Variants in CPSF4L observed in about 807,000 individuals in gnomAD.
CPSF4L encodes the protein putative cleavage and polyadenylation specificity factor subunit 4-like protein.
In CPSF4L, 18 loss-of-function variants were observed where a neutral mutation model predicts 24.0. The ratio of observed to expected loss-of-function variants is 0.75; its 90% CI spans 0.52 to 1.11. CPSF4L has a LOEUF of 1.11. CPSF4L is among the 50% of genes least tolerant of loss of function. The probability of loss-of-function intolerance (pLI) is 0.00; values close to 1 mark genes in which losing one functional copy is unlikely to be tolerated. For synonymous variants in CPSF4L, 72 were observed against 77.2 expected (o/e 0.93, Z 0.35); for missense variants, 211 against 221.8 (o/e 0.95, Z 0.31).
intron 3 of CPSF4L, 64 bp from the exon 4 acceptor site, chr17:73,254,090 C>T: frequency 7.9e-7 from 1 of 1,261,030 alleles, no homozygotes; most frequent in Non-Finnish European, 1.1e-6. Flanking sequence ...TGTCCCCAAA[C>T]CAGATTGACC....
At chr17:73,255,500 C>CT (rs1319994505) in intron 3 of CPSF4L, among the ~76,000 whole-genome samples, 1 of 135,752 alleles carries the variant, frequency 7.4e-6, no homozygotes, top group African/African-American at 2.9e-5. Flanking sequence ...GTGCGAGACT[C>CT]TGTCTCCAAA....
intron 2 of CPSF4L, among the ~76,000 whole-genome samples, chr17:73,259,353 TTA>T (rs901797277): frequency 2.9e-5 from 2 of 69,186 alleles, no homozygotes; most frequent in African/African-American, 5.9e-5. Context: ...TTTTCCTTTT[TTA>T]AAAAAAAAAA....
At chr17:73,242,433 C>A in the CPSF4L span, 2 of 899,988 alleles carry the variant, frequency 2.2e-6, no homozygotes, top group Non-Finnish European at 3.4e-6. Context: ...TTAAGCAAGG[C>A]TAAAGAGGAG....
chr17:73,248,655 C>T (rs1357539927), intron 5 of CPSF4L, 119 bp from the exon 6 acceptor site: 10 of 1,041,918 alleles, frequency 9.6e-6, no homozygotes, highest in East Asian at 7.8e-5. Context: ...CTTGAGAGGA[C>T]GTATTTGAAG....
At chr17:73,259,958 A>G (rs941926854) in intron 2 of CPSF4L, among the ~76,000 whole-genome samples, 4 of 152,210 alleles carry the variant, frequency 2.6e-5, no homozygotes, top group African/African-American at 9.6e-5. Context: ...CTGTTGAAAG[A>G]GCCTCTACAT....
At chr17:73,242,388 G>C in the CPSF4L span, 1 of 1,370,040 alleles carries the variant, frequency 7.3e-7, no homozygotes, top group Non-Finnish European at 1.0e-6. Flanking sequence ...TCTGTTGCAG[G>C]TTCTGGGCAT....
intron 5 of CPSF4L, 25 bp downstream of exon 5, chr17:73,252,604 GT>G: frequency 7.1e-7 from 1 of 1,405,868 alleles, no homozygotes; most frequent in South Asian, 1.2e-5. Flanking sequence ...TCTGGTGGGA[GT>G]TGGTAACTGA....
intron 5 of CPSF4L, among the ~76,000 whole-genome samples, chr17:73,249,222 C>T (rs1003986255): frequency 5.3e-5 from 8 of 152,206 alleles, no homozygotes; most frequent in African/African-American, 1.4e-4. Flanking sequence ...TAAATTCCAA[C>T]CTTGAACGGA....
intron 3 of CPSF4L, among the ~76,000 whole-genome samples, chr17:73,255,360 A>T (rs1410992300): frequency 6.6e-6 from 1 of 152,130 alleles, no homozygotes; most frequent in East Asian, 1.9e-4. Context: ...TACAAAAATT[A>T]GCCAGGTATG....
At chr17:73,248,280 C>T, downstream of CPSF4L, 1 of 546,128 alleles carries the variant, frequency 1.8e-6, no homozygotes, top group South Asian at 2.3e-5. Flanking sequence ...AGACTGCTAC[C>T]CACAGAAGCC....
intron 5 of CPSF4L, chr17:73,251,148 C>A (rs578146611): frequency 6.7e-7 from 1 of 1,489,546 alleles, no homozygotes; most frequent in South Asian, 1.4e-5. Flanking sequence ...GCAGATAGTC[C>A]CTGTGTGCAG....
chr17:73,248,341 A>C, downstream of CPSF4L: 2 of 715,738 alleles, frequency 2.8e-6, no homozygotes. Flanking sequence ...TCACAGAGCC[A>C]AGGAAAGAAA....
downstream of CPSF4L, chr17:73,245,019 G>T: frequency 1.5e-6 from 1 of 684,614 alleles, no homozygotes. Context: ...AACAGAGACT[G>T]AAGAAAGTGA....
At chr17:73,262,052 C>T (rs754979925), upstream of CPSF4L, 1 of 558,658 alleles carries the variant, frequency 1.8e-6, no homozygotes, top group South Asian at 2.2e-5. Context: ...CCCTCACCCC[C>T]ACACTGTGTA....
At chr17:73,256,591 C>T (rs76734255) in intron 3 of CPSF4L, among the ~76,000 whole-genome samples, 4,111 of 152,282 alleles carry the variant, frequency 0.027, 71 homozygotes, top group Middle Eastern at 0.054. Context: ...CTAGATAATC[C>T]GTAAGGCTCC....
chr17:73,250,953 C>CT, intron 5 of CPSF4L: 5 of 1,508,400 alleles, frequency 3.3e-6, no homozygotes, highest in Non-Finnish European at 4.4e-6. Flanking sequence ...TAGCCCAGCC[C>CT]TGTGGGTTCC....
At chr17:73,247,396 C>T, downstream of CPSF4L, 1 of 1,567,894 alleles carries the variant, frequency 6.4e-7, no homozygotes, top group Non-Finnish European at 8.8e-7. Flanking sequence ...GCCTTCGTGC[C>T]CTGTGTTGCC....
downstream of CPSF4L, among the ~76,000 whole-genome samples, chr17:73,243,770 T>G (rs774399061): frequency 6.6e-6 from 1 of 152,062 alleles, no homozygotes; most frequent in Non-Finnish European, 1.5e-5. Flanking sequence ...CCTGACCTCA[T>G]GATTCTCCTG....
chr17:73,246,152 C>T (rs151126754), downstream of CPSF4L, among the ~76,000 whole-genome samples: 149 of 152,286 alleles, frequency 9.8e-4, no homozygotes, highest in African/African-American at 3.1e-3. Context: ...ATATATCACA[C>T]GCACACACCC....
Sources: allele counts gnomAD v4.1 joint callset (sites outside exome capture counted in the v4.1 genomes callset), GRCh38; gene constraint gnomAD v4.1.1; transcripts MANE v1.5; gene names NCBI Gene and HGNC (gene_info 2026-07-23, HGNC 2026-07-21).